Variants in SHISAL2A observed in about 807,000 individuals in gnomAD.
SHISAL2A encodes the protein protein shisa-like-2A.
In SHISAL2A, 18 loss-of-function variants were observed where a neutral mutation model predicts 11.5. That is an observed-to-expected ratio of 1.57 (90% CI 1.08 to 2.33). SHISAL2A has a LOEUF of 2.33. Ranked by LOEUF, SHISAL2A falls within the 30% of genes most tolerant of loss-of-function variation. The probability of loss-of-function intolerance (pLI) is 0.00; values close to 1 mark genes in which losing one functional copy is unlikely to be tolerated. For synonymous variants in SHISAL2A, 94 were observed against 99.6 expected (o/e 0.94, Z 0.34); for missense variants, 261 against 250.9 (o/e 1.04, Z -0.27).
At position 52,665,098 on chromosome 1, in the gene SHISAL2A, G is replaced by A. The variant is rs577374437; in HGVS notation, n.696-2301G>A. On this transcript the variant is annotated intron_variant and non_coding_transcript_variant, in intron 4 of 5. Coordinates refer to the SHISAL2A transcript ENST00000401050. ...GGTATAATACCACCCACCCCTATGC[G>A]ATGTCTGTACAGATGTGAAAGGACT... 1.4e-4 allele frequency among the ~76,000 whole-genome samples: 21 copies of A among 152,276 alleles called. No individual in the cohort carries two copies. In the South Asian group the frequency reaches 3.5e-3, roughly 26 times the overall value.
downstream of SHISAL2A, among the ~76,000 whole-genome samples, chr1:52,661,217 G>A (rs1571703334): frequency 6.6e-6 from 1 of 152,192 alleles, no homozygotes; most frequent in African/African-American, 2.4e-5. Flanking sequence ...CCACAGGAAA[G>A]GGTTTCAAGC....
At chr1:52,642,832 T>A (rs1425780534) in intron 1 of SHISAL2A, 31 bp from the exon 2 acceptor site, 2 of 1,610,898 alleles carry the variant, frequency 1.2e-6, no homozygotes, top group African/African-American at 2.7e-5. Context: ...CCTTCCTGAC[T>A]CTCAGCTCCC....
At chr1:52,642,167 T>A (rs1387400232) in intron 1 of SHISAL2A, among the ~76,000 whole-genome samples, 1 of 152,170 alleles carries the variant, frequency 6.6e-6, no homozygotes, top group Non-Finnish European at 1.5e-5. Context: ...TAAGGCCTAC[T>A]ATATGTGTCT....
At chr1:52,653,625 C>T (rs1691722909) in intron 2 of SHISAL2A, among the ~76,000 whole-genome samples, 1 of 150,866 alleles carries the variant, frequency 6.6e-6, no homozygotes, top group Non-Finnish European at 1.5e-5. Flanking sequence ...AATAACCAAC[C>T]AAACAAAAAA....
chr1:52,641,007 A>G (rs1034318843), intron 1 of SHISAL2A, among the ~76,000 whole-genome samples: 2 of 152,110 alleles, frequency 1.3e-5, no homozygotes, highest in African/African-American at 4.8e-5. Context: ...TAAAATCCCG[A>G]AGACAGGGTT....
intron 1 of SHISAL2A, 49 bp from the exon 2 acceptor site, chr1:52,642,814 C>G (rs1426132538): frequency 1.3e-6 from 2 of 1,594,360 alleles, no homozygotes. Flanking sequence ...ACATCTGTCT[C>G]CCAAGTCCCT....
At chr1:52,651,232 G>GGTTTTTT (rs886079049) in intron 2 of SHISAL2A, among the ~76,000 whole-genome samples, 3 of 151,278 alleles carry the variant, frequency 2.0e-5, no homozygotes, top group African/African-American at 7.3e-5. Flanking sequence ...ATATTGCAAA[G>GGTTTTTT]GTTTTTTGTT....
At chr1:52,655,571 CGCCATGTTCAAG>C (rs1031614887) in intron 2 of SHISAL2A, among the ~76,000 whole-genome samples, 8 of 150,476 alleles carry the variant, frequency 5.3e-5, no homozygotes, top group African/African-American at 1.5e-4. Context: ...GGCTGTAGTG[CGCCATGTTCAAG>C]CCACTGCACT....
chr1:52,648,276 T>G (rs1026599710), intron 2 of SHISAL2A, among the ~76,000 whole-genome samples: 11 of 151,900 alleles, frequency 7.2e-5, no homozygotes, highest in Non-Finnish European at 1.5e-4. Flanking sequence ...CCTGTCATAT[T>G]GGAAACTAAA....
chr1:52,658,484 G>C (rs1262933821), downstream of SHISAL2A, among the ~76,000 whole-genome samples: 1 of 152,168 alleles, frequency 6.6e-6, no homozygotes, highest in Non-Finnish European at 1.5e-5. Flanking sequence ...TCCTGCCCCT[G>C]TCACTTACTT....
At chr1:52,640,715 G>C (rs1691345800) in intron 1 of SHISAL2A, among the ~76,000 whole-genome samples, 2 of 151,984 alleles carry the variant, frequency 1.3e-5, no homozygotes, top group South Asian at 4.1e-4. Flanking sequence ...AGCATCATTT[G>C]TTCTAAAATT....
chr1:52,633,786 G>A lies in SHISAL2A; in HGVS notation c.182+111G>A. 4 of 817,650 alleles carry A rather than the reference G, an allele frequency of 4.9e-6. No individual in the cohort carries two copies. The highest frequency in any genetic ancestry group is 4.8e-5 in the South Asian group (3 of 62,806). 50.6% of individuals were successfully genotyped at this position (817,650 alleles called of 1,614,324 possible). A position where few individuals can be genotyped will look rare whatever the true frequency, so the allele number is the denominator to read the frequency against. On this transcript the variant is annotated intron_variant, in intron 1 of 2. Coordinates refer to ENST00000517870, the MANE Select transcript of SHISAL2A (RefSeq NM_001042693.3). This position sits in a 1 kb window ranked among gnomAD's most constrained non-coding sequence, Gnocchi z 6.4. ...ACCTGAACATCAGCAGCAAGCTCTA[G>A]TCCTTACCGTCCTCATGCCCACAGC...
At chr1:52,643,058 G>T in intron 2 of SHISAL2A, 56 bp downstream of exon 2, 19 of 1,552,138 alleles carry the variant, frequency 1.2e-5, no homozygotes, top group Non-Finnish European at 1.7e-5. Context: ...CCTTTTCAAG[G>T]GGGGAGAAAT....
Position 52,633,750 on chromosome 1 carries a change from C to T in SHISAL2A, c.182+75C>T, listed in dbSNP as rs2149869912. The T allele has an allele frequency of 8.0e-7, 1 of 1,245,968 alleles. No individual in the cohort carries two copies. The highest frequency in any genetic ancestry group is 1.2e-5 in the South Asian group (1 of 80,044). 77.2% of individuals were successfully genotyped at this position (1,245,968 alleles called of 1,614,324 possible). On this transcript the variant is annotated intron_variant, in intron 1 of 2. Transcript: ENST00000517870. The surrounding 1 kb of genome is among the most constrained non-coding windows in gnomAD (Gnocchi z 6.4). ...GCCTTCACCCCAGCCTCAGCCCCCACCCGAGTGTCCACCTGAACATCAGCA... is the reference window on the plus strand; with the variant it reads ...GCCTTCACCCCAGCCTCAGCCCCCATCCGAGTGTCCACCTGAACATCAGCA...
At chr1:52,642,102 T>C (rs1185635701) in intron 1 of SHISAL2A, among the ~76,000 whole-genome samples, 4 of 152,144 alleles carry the variant, frequency 2.6e-5, no homozygotes, top group Non-Finnish European at 4.4e-5. Context: ...AGAACTTGTC[T>C]TAAAACAAAA....
Sources: allele counts gnomAD v4.1 joint callset (sites outside exome capture counted in the v4.1 genomes callset), GRCh38; gene constraint gnomAD v4.1.1; non-coding constraint Gnocchi (gnomAD v3.1); transcripts MANE v1.5; gene names NCBI Gene and HGNC (gene_info 2026-07-23, HGNC 2026-07-21).